The following PTPRD variants were observed in gnomAD, a reference collection of about 807,000 sequenced individuals.
PTPRD encodes protein tyrosine phosphatase receptor type D.
Under a neutral mutation model 214.5 loss-of-function variants are expected in PTPRD, and 34 were observed. The ratio of observed to expected loss-of-function variants is 0.16; its 90% CI spans 0.12 to 0.21. PTPRD has a LOEUF of 0.21. PTPRD is among the 10% of genes least tolerant of loss of function. PTPRD has a pLI of 1.00. For synonymous variants in PTPRD, 1,128 were observed against 845.7 expected (o/e 1.33, Z -5.79); for missense variants, 2,545 against 2,398.7 (o/e 1.06, Z -1.27).
At chr9:8,443,780 C>T (rs889096926) in intron 34 of PTPRD, among the ~76,000 whole-genome samples, 2 of 151,996 alleles carry the variant, frequency 1.3e-5, no homozygotes, top group East Asian at 1.9e-4. Flanking sequence ...ACCAATGCTA[C>T]CAGTAGCATC....
chr9:9,184,981 T>A lies in PTPRD; in HGVS notation c.-202-1618A>T, dbSNP rs2099930451. ...ATTTTGTTTAAGAGCTCACAGCAAG[T>A]GGAACACATCAAAATATGCTTGCAA... On this transcript the variant is annotated intron_variant, in intron 9 of 45. Coordinates refer to ENST00000381196, the MANE Select transcript of PTPRD (RefSeq NM_002839.4). Among the ~76,000 whole-genome samples the A allele has an allele frequency of 2.0e-5, 3 of 152,084 alleles. No homozygotes were observed. In the South Asian group the frequency reaches 6.2e-4, roughly 31 times the overall value.
intron 35 of PTPRD, among the ~76,000 whole-genome samples, chr9:8,406,959 T>C (rs1229233458): frequency 1.3e-5 from 2 of 152,220 alleles, no homozygotes; most frequent in African/African-American, 4.8e-5. Flanking sequence ...TTGTTTTACT[T>C]AGACTAAGAT....
At chr9:8,848,605 A>G (rs993772114) in intron 11 of PTPRD, among the ~76,000 whole-genome samples, 15 of 151,598 alleles carry the variant, frequency 9.9e-5, no homozygotes, top group African/African-American at 3.4e-4. Context: ...TTGGCCTCCA[A>G]CATAGATTTT....
intron 8 of PTPRD, among the ~76,000 whole-genome samples, chr9:9,515,139 G>A (rs1052217224): frequency 6.6e-6 from 1 of 152,012 alleles, no homozygotes; most frequent in Non-Finnish European, 1.5e-5. Flanking sequence ...TAAGCTTGGT[G>A]GGTTATTGTT....
intron 2 of PTPRD, among the ~76,000 whole-genome samples, chr9:10,518,070 T>C (rs953274339): frequency 1.3e-5 from 2 of 152,194 alleles, no homozygotes; most frequent in Non-Finnish European, 2.9e-5. Flanking sequence ...CATGGGTGAA[T>C]GGACTCAATG....
chr9:10,608,436 G>A (rs536184558), intron 2 of PTPRD, among the ~76,000 whole-genome samples: 5 of 151,994 alleles, frequency 3.3e-5, no homozygotes, highest in African/African-American at 9.6e-5. Flanking sequence ...CTCAATCTAC[G>A]TAACAAGAGT....
chr9:9,113,228 GC>G (rs1452873014), intron 10 of PTPRD, among the ~76,000 whole-genome samples: 1 of 151,930 alleles, frequency 6.6e-6, no homozygotes, highest in East Asian at 1.9e-4. Flanking sequence ...TTCTGCTTCA[GC>G]CCCCCGAGGT....
intron 9 of PTPRD, among the ~76,000 whole-genome samples, chr9:9,217,150 G>C (rs2099952827): frequency 6.6e-6 from 1 of 152,124 alleles, no homozygotes. Context: ...AGGGCTGGCA[G>C]TTTAAAGGCC....
chr9:9,967,931 CAT>C lies in PTPRD; in HGVS notation c.-471-29323_-471-29322del, dbSNP rs552778160. 5.6e-3 allele frequency among the ~76,000 whole-genome samples: 856 copies of C among 152,138 alleles called. 7 individuals carry two copies. Among genetic ancestry groups the C allele is most frequent in the Middle Eastern group, 0.01 (3 of 294 alleles). On this transcript the variant is annotated intron_variant, in intron 4 of 45. Coordinates refer to ENST00000381196, the MANE Select transcript of PTPRD (RefSeq NM_002839.4). ...ATATACTGATATTATGATACATAAACATATTAAGAAAAATTTGTCACAAAATT... is the reference window on the plus strand; with the variant it reads ...ATATACTGATATTATGATACATAAACATTAAGAAAAATTTGTCACAAAATT...
intron 14 of PTPRD, among the ~76,000 whole-genome samples, chr9:8,563,020 A>C (rs1356434258): frequency 6.6e-6 from 1 of 152,154 alleles, no homozygotes. Flanking sequence ...AAATAAACTG[A>C]TATATCCATG....
intron 2 of PTPRD, among the ~76,000 whole-genome samples, chr9:10,461,842 G>A (rs1165720392): frequency 1.3e-5 from 2 of 151,944 alleles, no homozygotes; most frequent in East Asian, 1.9e-4. Flanking sequence ...GGCTGGTCTC[G>A]AGCTCCTGAC....
chr9:8,854,492 T>C (rs2097877757), intron 11 of PTPRD, among the ~76,000 whole-genome samples: 1 of 152,206 alleles, frequency 6.6e-6, no homozygotes, highest in South Asian at 2.1e-4. Flanking sequence ...AAGTTTGGTC[T>C]GAAGGAAATC....
chr9:10,017,611 G>C lies in PTPRD; in HGVS notation c.-472+16107C>G, dbSNP rs543440410. Reference sequence around the variant, plus strand: ...CATTTAGACTGAATGGTGTGAAGTAGGAGGCCAATTTTAATTTTTCCATAT... The same window carrying C: ...CATTTAGACTGAATGGTGTGAAGTACGAGGCCAATTTTAATTTTTCCATAT... On this transcript the variant is annotated intron_variant, in intron 4 of 45. Coordinates refer to ENST00000381196, the MANE Select transcript of PTPRD (RefSeq NM_002839.4). 3.3e-5 allele frequency among the ~76,000 whole-genome samples: 5 copies of C among 151,978 alleles called. No individual in the cohort carries two copies. The South Asian group carries it at 1.0e-3, about 32-fold the overall frequency.
chr9:8,373,705 T>G (rs1318369520), intron 39 of PTPRD, among the ~76,000 whole-genome samples: 4 of 151,436 alleles, frequency 2.6e-5, no homozygotes, highest in African/African-American at 7.3e-5. Flanking sequence ...TCTCTCATAT[T>G]TGCTATTTGC....
At chr9:8,998,047 A>T (rs185589573) in intron 11 of PTPRD, among the ~76,000 whole-genome samples, 584 of 151,548 alleles carry the variant, frequency 3.9e-3, no homozygotes, top group African/African-American at 0.013. Context: ...CATGAGTTTT[A>T]AAAAAAAAGC....
intron 11 of PTPRD, among the ~76,000 whole-genome samples, chr9:8,762,009 A>G (rs1482878919): frequency 6.6e-6 from 1 of 152,186 alleles, no homozygotes; most frequent in African/African-American, 2.4e-5. Context: ...GTACATTAAA[A>G]TATACCTACT....
At chr9:9,317,997 C>T (rs1964237714) in intron 9 of PTPRD, among the ~76,000 whole-genome samples, 1 of 151,892 alleles carries the variant, frequency 6.6e-6, no homozygotes, top group Admixed American at 6.6e-5. Context: ...CATGGAGAAA[C>T]CGTGTCTCTA....
intron 8 of PTPRD, among the ~76,000 whole-genome samples, chr9:9,445,545 A>G (rs2090090415): frequency 6.6e-6 from 1 of 152,126 alleles, no homozygotes; most frequent in African/African-American, 2.4e-5. Flanking sequence ...GGAAACTTAC[A>G]ATCATGGCGG....
chr9:10,458,717 C>T lies in PTPRD; in HGVS notation c.-599-117700G>A, dbSNP rs1016842218. ...AGTAGACAAGAAAAAGAAATAAATGCTATCCAAGTAAAAAAGGAAGAAGAA... is the reference window on the plus strand; with the variant it reads ...AGTAGACAAGAAAAAGAAATAAATGTTATCCAAGTAAAAAAGGAAGAAGAA... On this transcript the variant is annotated intron_variant, in intron 2 of 45. Coordinates refer to ENST00000381196, the MANE Select transcript of PTPRD (RefSeq NM_002839.4). 4.6e-5 allele frequency among the ~76,000 whole-genome samples: 7 copies of T among 152,162 alleles called. No homozygotes were observed. The South Asian group carries it at 8.3e-4, about 18-fold the overall frequency.
Sources: gnomAD v4.1 joint callset for allele counts (sites outside exome capture counted in the v4.1 genomes callset) on GRCh38, gnomAD v4.1.1 for gene constraint, MANE v1.5 for transcripts, NCBI Gene and HGNC (gene_info 2026-07-23, HGNC 2026-07-21) for gene names.